The following MYO16 variants were observed in gnomAD, a reference collection of about 807,000 sequenced individuals.
MYO16 encodes the protein myosin XVI.
In MYO16, 94 loss-of-function variants were observed where a neutral mutation model predicts 205.3. The observed-to-expected ratio is 0.46, with a 90% CI of 0.39 to 0.54. The LOEUF is 0.54. Among genes scored for constraint, MYO16 ranks in the 20% least tolerant of loss-of-function variants. The probability of loss-of-function intolerance (pLI) is 0.00; values close to 1 mark genes in which losing one functional copy is unlikely to be tolerated. For missense variants in MYO16, 2,315 were observed against 2,387.5 expected (o/e 0.97, Z 0.63); for synonymous variants, 988 against 954.0 (o/e 1.04, Z -0.66).
intron 1 of MYO16, among the ~76,000 whole-genome samples, chr13:108,618,170 C>A (rs889048559): frequency 1.1e-4 from 16 of 152,186 alleles, no homozygotes; most frequent in African/African-American, 3.9e-4. Context: ...CTGTTCTTCA[C>A]AGAGCATCAC....
the MYO16 span, among the ~76,000 whole-genome samples, chr13:108,522,880 T>C: frequency 1.3e-5 from 2 of 152,148 alleles, no homozygotes; most frequent in Admixed American, 6.5e-5. Flanking sequence ...ATATCTGCAA[T>C]GACCCTACTT....
chr13:109,135,991 T>A, intron 31 of MYO16, among the ~76,000 whole-genome samples: 1 of 152,186 alleles, frequency 6.6e-6, no homozygotes, highest in East Asian at 1.9e-4. Flanking sequence ...CATCTTTAGA[T>A]CATGTTTTTC....
chr13:108,741,209 C>CCATCT (rs1395957285), intron 4 of MYO16, among the ~76,000 whole-genome samples: 4 of 152,164 alleles, frequency 2.6e-5, no homozygotes, highest in African/African-American at 9.7e-5. Context: ...CAGAAATCAC[C>CCATCT]CATCTTCTGC....
chr13:108,695,678 T>C (rs1883065341), intron 2 of MYO16, among the ~76,000 whole-genome samples: 1 of 152,212 alleles, frequency 6.6e-6, no homozygotes, highest in South Asian at 2.1e-4. Context: ...AGCAGTTACT[T>C]ACTAAAATGT....
At chr13:108,970,070 G>A (rs1387838263) in intron 20 of MYO16, among the ~76,000 whole-genome samples, 1 of 152,114 alleles carries the variant, frequency 6.6e-6, no homozygotes, top group African/African-American at 2.4e-5. Flanking sequence ...CAGATAGCTG[G>A]GGGAACACGT....
the MYO16 span, among the ~76,000 whole-genome samples, chr13:108,519,635 ACACACACACACACC>A: frequency 3.3e-5 from 5 of 149,370 alleles, no homozygotes; most frequent in Non-Finnish European, 7.5e-5. Context: ...ATACACACAC[ACACACACACACACC>A]CACACACACA....
intron 9 of MYO16, among the ~76,000 whole-genome samples, chr13:108,833,397 T>G (rs148513635): frequency 2.6e-5 from 4 of 152,086 alleles, no homozygotes; most frequent in African/African-American, 4.8e-5. Flanking sequence ...AAAACAAAAA[T>G]GTAATTGAAT....
In MYO16 at chr13:108,989,246, AT is replaced by A. The variant is rs1490823070; in HGVS notation, c.2370-3126del. 5.9e-5 allele frequency among the ~76,000 whole-genome samples: 9 copies of A among 152,246 alleles called. No homozygotes were observed. In the South Asian group the frequency reaches 1.9e-3, roughly 32 times the overall value. On this transcript the variant is annotated intron_variant, in intron 20 of 34. Coordinates refer to ENST00000457511, the MANE Select transcript of MYO16 (RefSeq NM_001198950.3). Reference sequence around the variant, plus strand: ...TACTTTAAGAATACTAAAGGTATACATTTTGTTTCTGGCTTTTGTTTTGGGA... The same window carrying A: ...TACTTTAAGAATACTAAAGGTATACATTTGTTTCTGGCTTTTGTTTTGGGA...
chr13:109,023,529 A>G (rs1886201498), intron 23 of MYO16, among the ~76,000 whole-genome samples: 2 of 119,250 alleles, frequency 1.7e-5, no homozygotes, highest in Non-Finnish European at 3.2e-5. Flanking sequence ...TTATAATTAT[A>G]TATACAATAT....
At chr13:109,166,356 T>C (rs892156843) in intron 33 of MYO16, among the ~76,000 whole-genome samples, 2 of 152,126 alleles carry the variant, frequency 1.3e-5, no homozygotes, top group Non-Finnish European at 2.9e-5. Flanking sequence ...TATAGTTGTT[T>C]AAAAACAAAA....
At chr13:108,988,922 TC>T (rs1033420074) in intron 20 of MYO16, among the ~76,000 whole-genome samples, 3 of 152,122 alleles carry the variant, frequency 2.0e-5, no homozygotes, top group African/African-American at 7.2e-5. Context: ...CCTGAAGTTG[TC>T]CCTGCATCGG....
Position 108,964,824 on chromosome 13 carries a change from A to G in MYO16, c.2291A>G (p.Lys764Arg). 6.2e-7 allele frequency: 1 copy of G among 1,614,166 alleles called. No individual in the cohort carries two copies. The highest frequency in any genetic ancestry group is 1.1e-5 in the South Asian group (1 of 91,084). Residue 764 changes from lysine to arginine, a missense_variant, in exon 20 of 35, where the codon AAG becomes AGG. Physicochemically the swap from Lys to Arg is conservative, Grantham distance 26. Transcript: ENST00000457511. The stretch of plus-strand genomic sequence containing the variant: ...GAGTTTTTCCGAGACCTCTTGGCCA[A>G]GTCCCTGTACAGTCGTTTGTTTAGC... The part of the protein sequence containing the change: ...IAEFFRDLLA[K>R]SLYSRLFSFL...
chr13:109,052,885 C>A (rs1887290703), intron 25 of MYO16, among the ~76,000 whole-genome samples: 1 of 151,980 alleles, frequency 6.6e-6, no homozygotes, highest in Non-Finnish European at 1.5e-5. Flanking sequence ...CTCTTATAGA[C>A]GTAGGGTGTT....
chr13:108,709,275 A>AAGTATTTT (rs1277320947), intron 2 of MYO16, among the ~76,000 whole-genome samples: 1 of 152,170 alleles, frequency 6.6e-6, no homozygotes, highest in East Asian at 1.9e-4. Context: ...TTTTTGGATA[A>AAGTATTTT]AGTATTTTAA....
intron 1 of MYO16, among the ~76,000 whole-genome samples, chr13:108,610,648 A>G (rs1384654454): frequency 6.6e-6 from 1 of 152,216 alleles, no homozygotes; most frequent in East Asian, 1.9e-4. Context: ...TCACGCTGCC[A>G]TTTATAGTAA....
At chr13:108,859,141 TCTTATAAATACCATGTGCTGATTCTCC>T (rs1878335745) in intron 11 of MYO16, among the ~76,000 whole-genome samples, 1 of 152,196 alleles carries the variant, frequency 6.6e-6, no homozygotes, top group South Asian at 2.1e-4. Flanking sequence ...TTATTTAGAT[TCTTATAAATACCATGTGCTGATTCTCC>T]CTACAAACAC....
At chr13:108,828,582 C>T (rs989410454) in intron 9 of MYO16, among the ~76,000 whole-genome samples, 3 of 152,124 alleles carry the variant, frequency 2.0e-5, no homozygotes, top group Non-Finnish European at 4.4e-5. Context: ...CCCTTTGGAT[C>T]GCATCTGAGT....
Position 109,011,022 on chromosome 13 carries a change from G to A in MYO16, c.2595+1973G>A, listed in dbSNP as rs1297240493. Among the ~76,000 whole-genome samples the A allele has an allele frequency of 2.7e-5, 4 of 145,690 alleles. 1 individual carries two copies. Among genetic ancestry groups the A allele is most frequent in the African/African-American group, 5.1e-5 (2 of 39,226 alleles). On this transcript the variant is annotated intron_variant, in intron 22 of 34. Transcript: ENST00000457511. The stretch of plus-strand genomic sequence containing the variant: ...CAGAGGACTCCTCATGGGGGCCCCC[G>A]GCCACTCTGAGCTTCTTGCAGTGTA...
intron 2 of MYO16, among the ~76,000 whole-genome samples, chr13:108,707,356 G>A (rs1338336406): frequency 3.9e-5 from 6 of 152,130 alleles, no homozygotes; most frequent in Admixed American, 2.6e-4. Context: ...AAGGAACATA[G>A]GGATCAATGG....
Sources: allele counts gnomAD v4.1 joint callset (sites outside exome capture counted in the v4.1 genomes callset), GRCh38; gene constraint gnomAD v4.1.1; transcripts MANE v1.5; gene names NCBI Gene and HGNC (gene_info 2026-07-23, HGNC 2026-07-21).